Variants in CA10 observed in about 807,000 individuals in gnomAD.
The protein encoded by CA10 is carbonic anhydrase-related protein 10.
A neutral mutation model predicts 44.2 loss-of-function variants in CA10; 14 were observed. That is an observed-to-expected ratio of 0.32 (90% CI 0.21 to 0.50). The LOEUF is 0.50. CA10 is among the 20% of genes least tolerant of loss of function. The pLI is 0.99. For synonymous variants in CA10, 159 were observed against 141.6 expected (o/e 1.12, Z -0.87); for missense variants, 350 against 409.7 (o/e 0.85, Z 1.26).
chr17:51,790,581 T>C (rs1362651088), intron 3 of CA10, among the ~76,000 whole-genome samples: 1 of 152,216 alleles, frequency 6.6e-6, no homozygotes, highest in African/African-American at 2.4e-5. Context: ...TGCCTGCAAA[T>C]GCAAGCAGCT....
At chr17:51,996,574 C>G (rs759820629) in intron 2 of CA10, among the ~76,000 whole-genome samples, 1 of 152,060 alleles carries the variant, frequency 6.6e-6, no homozygotes, top group Non-Finnish European at 1.5e-5. Flanking sequence ...TTTCCTATCT[C>G]ATATTTCAGG....
chr17:51,932,146 G>A (rs1453860594), intron 2 of CA10, among the ~76,000 whole-genome samples: 2 of 152,016 alleles, frequency 1.3e-5, no homozygotes, highest in African/African-American at 2.4e-5. Context: ...CTAACACACT[G>A]GGGAGGCTCA....
intron 2 of CA10, among the ~76,000 whole-genome samples, chr17:51,950,385 G>C (rs1019770449): frequency 6.6e-6 from 1 of 152,102 alleles, no homozygotes; most frequent in Non-Finnish European, 1.5e-5. Context: ...ATTCAACTGG[G>C]CTCCCCTGAA....
At chr17:51,649,888 A>AAAAG (rs1555579440) in intron 5 of CA10, among the ~76,000 whole-genome samples, 1 of 149,860 alleles carries the variant, frequency 6.7e-6, no homozygotes, top group Non-Finnish European at 1.5e-5. Context: ...GAAAAAAAAA[A>AAAAG]AAACTGAAAA....
chr17:51,986,743 C>T (rs2144096667), intron 2 of CA10, among the ~76,000 whole-genome samples: 1 of 151,808 alleles, frequency 6.6e-6, no homozygotes, highest in South Asian at 2.1e-4. Flanking sequence ...AAATGGCCGA[C>T]AAACATGAAA....
chr17:52,157,721 C>T lies in CA10; in HGVS notation c.61+5G>A. ...ATCAGCCAGTGACTTCGGCGCGTCC[C>T]GTACCTGATATGCAGACGATGAAAT... On this transcript the variant is annotated splice_donor_5th_base_variant and intron_variant, in intron 1 of 8. Transcript: ENST00000451037. 1.2e-6 allele frequency: 2 copies of T among 1,613,608 alleles called. No individual in the cohort carries two copies. Among genetic ancestry groups the T allele is most frequent in the East Asian group, 2.2e-5 (1 of 44,870 alleles).
chr17:51,690,968 C>T (rs933319979), intron 4 of CA10, among the ~76,000 whole-genome samples: 1 of 151,922 alleles, frequency 6.6e-6, no homozygotes, highest in African/African-American at 2.4e-5. Context: ...TTTTCTTTAC[C>T]ATTGCTCCAC....
At chr17:51,836,543 G>A (rs971915573) in intron 3 of CA10, among the ~76,000 whole-genome samples, 6 of 152,294 alleles carry the variant, frequency 3.9e-5, no homozygotes, top group Admixed American at 3.9e-4. Context: ...GGTAACCCAG[G>A]TCTTTCCCCC....
intron 3 of CA10, among the ~76,000 whole-genome samples, chr17:51,829,218 C>G (rs1013564238): frequency 1.9e-4 from 29 of 152,366 alleles, no homozygotes; most frequent in African/African-American, 6.0e-4. Flanking sequence ...AGCTCAAAGA[C>G]TGCCCCCATG....
At chr17:51,836,463 A>G (rs1011189045) in intron 3 of CA10, among the ~76,000 whole-genome samples, 2 of 152,192 alleles carry the variant, frequency 1.3e-5, no homozygotes, top group Non-Finnish European at 2.9e-5. Context: ...CAGTGAGCTC[A>G]CAGGATGGAG....
intron 2 of CA10, among the ~76,000 whole-genome samples, chr17:52,053,698 G>A (rs568699733): frequency 3.1e-4 from 47 of 152,080 alleles, no homozygotes; most frequent in African/African-American, 9.2e-4. Context: ...TACATGTTGC[G>A]GGAAGTCAGG....
chr17:51,759,587 G>C (rs1408456139), intron 3 of CA10, among the ~76,000 whole-genome samples: 3 of 151,616 alleles, frequency 2.0e-5, no homozygotes, highest in Non-Finnish European at 4.4e-5. Flanking sequence ...ACAATGTTTG[G>C]TTTCCATTTG....
chr17:51,835,717 C>T (rs569186171), intron 3 of CA10, among the ~76,000 whole-genome samples: 1 of 152,224 alleles, frequency 6.6e-6, no homozygotes, highest in Non-Finnish European at 1.5e-5. Flanking sequence ...CCAGGCAGTG[C>T]TCTAAGTACT....
intron 3 of CA10, among the ~76,000 whole-genome samples, chr17:51,809,191 G>A (rs1226425106): frequency 6.6e-6 from 1 of 152,050 alleles, no homozygotes; most frequent in African/African-American, 2.4e-5. Context: ...TTGACCTATT[G>A]CTTATTAGAC....
intron 3 of CA10, among the ~76,000 whole-genome samples, chr17:51,824,175 T>C (rs1306410289): frequency 2.6e-5 from 4 of 152,350 alleles, no homozygotes; most frequent in Non-Finnish European, 4.4e-5. Context: ...GAGTTAGGTT[T>C]CATGGCTCTT....
intron 2 of CA10, among the ~76,000 whole-genome samples, chr17:51,977,527 G>T (rs1984505095): frequency 6.6e-6 from 1 of 151,936 alleles, no homozygotes; most frequent in South Asian, 2.1e-4. Flanking sequence ...AACTAGAAAT[G>T]GGGGGAAGTC....
chr17:51,634,975 T>C (rs539519834), intron 7 of CA10, among the ~76,000 whole-genome samples: 32 of 152,268 alleles, frequency 2.1e-4, no homozygotes, highest in African/African-American at 6.7e-4. Flanking sequence ...GCTAAGCCTT[T>C]TGGATGCTGG....
intron 1 of CA10, among the ~76,000 whole-genome samples, chr17:52,121,892 C>T (rs1198593958): frequency 6.6e-6 from 1 of 152,184 alleles, no homozygotes; most frequent in Non-Finnish European, 1.5e-5. Context: ...TCATTAGGAG[C>T]CTTGACCTAC....
intron 3 of CA10, among the ~76,000 whole-genome samples, chr17:51,766,851 A>G (rs1242468742): frequency 1.3e-5 from 2 of 152,168 alleles, no homozygotes; most frequent in African/African-American, 4.8e-5. Context: ...GTTAATTAGG[A>G]AGTGTTTACT....
Sources: gnomAD v4.1 joint callset for allele counts (sites outside exome capture counted in the v4.1 genomes callset) on GRCh38, gnomAD v4.1.1 for gene constraint, MANE v1.5 for transcripts, NCBI Gene and HGNC (gene_info 2026-07-23, HGNC 2026-07-21) for gene names.